RIN2: variants seen among roughly 807,000 people sequenced by gnomAD.
The protein encoded by RIN2 is RAB5 interacting protein 2.
Under a neutral mutation model 78.0 loss-of-function variants are expected in RIN2, and 36 were observed. That is an observed-to-expected ratio of 0.46 (90% confidence interval 0.35 to 0.61). The LOEUF (loss-of-function observed/expected upper bound fraction) is 0.61, where lower values mean the gene tolerates loss of function less well. Ranked by LOEUF, RIN2 falls within the 20% of genes least tolerant of loss-of-function variation. The pLI, the probability that RIN2 is intolerant of heterozygous loss-of-function variation, is 0.00. For synonymous variants in RIN2, 466 were observed against 466.8 expected, an observed-to-expected ratio of 1.00 and a Z score of 0.02; for missense variants, 1,087 against 1,159.7, an observed-to-expected ratio of 0.94 and a Z score of 0.91.
chr20:19,778,671 C>G (rs1410247488), intron 1 of RIN2, among the ~76,000 whole-genome samples: 1 of 152,144 alleles, frequency 6.6e-6, no homozygotes, highest in African/African-American at 2.4e-5. Context: ...TAGGGAAAAC[C>G]CTGAGCTTCT....
rs6112622 is a variant in RIN2, at chr20:19,856,148, A to G, written c.-36-33418A>G. On this transcript the variant is annotated intron_variant, in intron 2 of 12. Coordinates refer to ENST00000255006, the MANE Select transcript of RIN2 (RefSeq NM_018993.4). Reference sequence around the variant, plus strand: ...GTCCTTGAAAGATCATACCCTGTATATGAAAGAACTTTAGGGATATCTTAA... The same window carrying G: ...GTCCTTGAAAGATCATACCCTGTATGTGAAAGAACTTTAGGGATATCTTAA... Among the ~76,000 whole-genome samples, 1,421 of 152,300 alleles carry G rather than the reference A, an allele frequency of 9.3e-3. 29 individuals carry two copies. The highest frequency in any genetic ancestry group is 0.032 in the African/African-American group (1,326 of 41,558).
intron 9 of RIN2, among the ~76,000 whole-genome samples, chr20:19,983,299 G>A (rs1456557755): frequency 6.6e-6 from 1 of 152,158 alleles, no homozygotes; most frequent in Admixed American, 6.5e-5. Flanking sequence ...CTCCTGACTT[G>A]TCGGAAATAG....
intron 1 of RIN2, among the ~76,000 whole-genome samples, chr20:19,795,417 G>C (rs956586935): frequency 6.6e-6 from 1 of 152,168 alleles, no homozygotes; most frequent in Non-Finnish European, 1.5e-5. Flanking sequence ...AAGTTGACCA[G>C]TAGCATTTTG....
chr20:19,887,079 G>T (rs1381638209), intron 2 of RIN2, among the ~76,000 whole-genome samples: 1 of 151,576 alleles, frequency 6.6e-6, no homozygotes, highest in Admixed American at 6.6e-5. Flanking sequence ...AGGCCAAAGT[G>T]CAGTGGTGCG....
At chr20:19,959,748 G>A (rs2041676016) in intron 5 of RIN2, among the ~76,000 whole-genome samples, 1 of 152,178 alleles carries the variant, frequency 6.6e-6, no homozygotes, top group Non-Finnish European at 1.5e-5. Flanking sequence ...GACAGAATAG[G>A]AGAAGGGCCA....
Position 19,805,686 on chromosome 20 carries a change from G to T in RIN2, c.-37+5939G>T, listed in dbSNP as rs184922701. ...CAAAGTGCTGGGATTACAGGCATGA[G>T]CCACTGCGCCTGGCCCAAGTTACAA... On this transcript the variant is annotated intron_variant, in intron 2 of 12. Transcript: ENST00000255006. Among the ~76,000 whole-genome samples the T allele has an allele frequency of 1.4e-3, 216 of 152,080 alleles. 1 individual carries two copies. The Middle Eastern group carries it at 0.037, about 26-fold the overall frequency.
chr20:19,958,472 T>A (rs919560764), intron 5 of RIN2, among the ~76,000 whole-genome samples: 2 of 152,254 alleles, frequency 1.3e-5, no homozygotes, highest in African/African-American at 4.8e-5. Flanking sequence ...GCATGTTCTC[T>A]CCATCCACCT....
intron 7 of RIN2, among the ~76,000 whole-genome samples, chr20:19,968,986 C>A (rs530353686): frequency 1.3e-5 from 2 of 152,230 alleles, no homozygotes; most frequent in South Asian, 4.2e-4. Flanking sequence ...CATTTGAGGA[C>A]AAGTGAAAGG....
intron 2 of RIN2, among the ~76,000 whole-genome samples, chr20:19,863,011 T>A (rs1398594393): frequency 6.6e-6 from 1 of 152,252 alleles, no homozygotes; most frequent in Non-Finnish European, 1.5e-5. Context: ...TTTCACCCTC[T>A]GCTCTGTGCC....
chr20:19,929,518 T>C (rs1427743618), intron 3 of RIN2, among the ~76,000 whole-genome samples: 1 of 152,090 alleles, frequency 6.6e-6, no homozygotes, highest in Non-Finnish European at 1.5e-5. Context: ...CATGCCACCA[T>C]ACCCAGCGAA....
chr20:19,939,686 T>G (rs2040785119), intron 4 of RIN2, among the ~76,000 whole-genome samples: 1 of 152,178 alleles, frequency 6.6e-6, no homozygotes, highest in African/African-American at 2.4e-5. Flanking sequence ...GGCCCCTGCC[T>G]CCTGGCCTTT....
chr20:19,910,742 A>T (rs1055624001), intron 3 of RIN2, among the ~76,000 whole-genome samples: 1 of 150,780 alleles, frequency 6.6e-6, no homozygotes, highest in Non-Finnish European at 1.5e-5. Flanking sequence ...CTAATTTTGT[A>T]TTTTTAATAG....
intron 1 of RIN2, among the ~76,000 whole-genome samples, chr20:19,780,468 C>T (rs115352628): frequency 0.021 from 3,246 of 152,140 alleles, 142 homozygotes; most frequent in African/African-American, 0.075. Context: ...ATGTCACACG[C>T]CCTGCTACCC....
At chr20:19,946,577 G>C (rs2041099023) in intron 4 of RIN2, among the ~76,000 whole-genome samples, 1 of 151,264 alleles carries the variant, frequency 6.6e-6, no homozygotes, top group Non-Finnish European at 1.5e-5. Flanking sequence ...TATTAGTCTG[G>C]CATGGTGGCG....
At chr20:19,773,130 G>A (rs1386197821) in intron 1 of RIN2, among the ~76,000 whole-genome samples, 1 of 152,184 alleles carries the variant, frequency 6.6e-6, no homozygotes, top group African/African-American at 2.4e-5. Context: ...GAAGCCTCAA[G>A]CATGCCTTGT....
chr20:19,958,251 G>A (rs532994263), intron 5 of RIN2, among the ~76,000 whole-genome samples: 1 of 152,352 alleles, frequency 6.6e-6, no homozygotes, highest in South Asian at 2.1e-4. Context: ...ATAACACAGA[G>A]CTGCTGCCTC....
At chr20:19,760,152 C>T (rs1260494381) in intron 1 of RIN2, among the ~76,000 whole-genome samples, 4 of 152,206 alleles carry the variant, frequency 2.6e-5, no homozygotes, top group Non-Finnish European at 4.4e-5. Context: ...TCATGCACTC[C>T]CGTGCTTTGG....
rs189520966 is a variant in RIN2 at position 19,918,512 on chromosome 20, A to G, written c.58-16587A>G. On this transcript the variant is annotated intron_variant, in intron 3 of 12. Coordinates refer to ENST00000255006, the MANE Select transcript of RIN2 (RefSeq NM_018993.4). ...AATAACACCTTAAACGAACTTTGTC[A>G]TCTACTATGAGCCACTTTTGCATAT... Among the ~76,000 whole-genome samples, 278 of 152,266 alleles carry G rather than the reference A, an allele frequency of 1.8e-3. 1 individual carries two copies. Among genetic ancestry groups the G allele is most frequent in the Non-Finnish European group, 3.0e-3 (204 of 68,030 alleles).
intron 4 of RIN2, among the ~76,000 whole-genome samples, chr20:19,955,805 T>C (rs1242629826): frequency 6.6e-6 from 1 of 152,152 alleles, no homozygotes; most frequent in Non-Finnish European, 1.5e-5. Flanking sequence ...TGAGAAGAAA[T>C]AAAATCCAAT....
Sources: allele counts gnomAD v4.1 joint callset (sites outside exome capture counted in the v4.1 genomes callset), GRCh38; gene constraint gnomAD v4.1.1; transcripts MANE v1.5; gene names NCBI Gene and HGNC (gene_info 2026-07-23, HGNC 2026-07-21).